The following ECSIT variants were observed in gnomAD, a reference collection of about 807,000 sequenced individuals.
The protein encoded by ECSIT is evolutionarily conserved signaling intermediate in Toll pathway, mitochondrial.
Under a neutral mutation model 36.8 loss-of-function variants are expected in ECSIT, and 29 were observed. The observed-to-expected ratio is 0.79, with a 90% CI of 0.59 to 1.08. The LOEUF (loss-of-function observed/expected upper bound fraction) is 1.08. Among genes scored for constraint, ECSIT ranks in the 50% least tolerant of loss-of-function variants. The probability of loss-of-function intolerance (pLI) is 0.00; values close to 1 mark genes in which losing one functional copy is unlikely to be tolerated. For synonymous variants in ECSIT, 231 were observed against 234.8 expected (o/e 0.98, Z 0.15); for missense variants, 542 against 581.0 (o/e 0.93, Z 0.69).
chr19:11,506,501 T>C, intron 7 of ECSIT, 73 bp from the exon 8 acceptor site: 1 of 1,504,570 alleles, frequency 6.6e-7, no homozygotes, highest in Non-Finnish European at 8.9e-7. Context: ...TACACCTTTT[T>C]GAGGTATTTT....
chr19:11,512,114 G>A (rs910084119), intron 4 of ECSIT, among the ~76,000 whole-genome samples: 2 of 151,760 alleles, frequency 1.3e-5, no homozygotes. Context: ...GGAGGCTAAG[G>A]TGGGTGGATC....
chr19:11,519,247 C>T lies in ECSIT; in HGVS notation c.-23-54G>A, dbSNP rs932964001. ...CTGGCACCTTACAGATGCTAACAGACGCAAGGGCCCCGCAGGGTCGAGGGC... is the reference window on the plus strand; with the variant it reads ...CTGGCACCTTACAGATGCTAACAGATGCAAGGGCCCCGCAGGGTCGAGGGC... On this transcript the variant is annotated intron_variant, in intron 1 of 7. Transcript: ENST00000270517. This position sits in a 1 kb window ranked among gnomAD's most constrained non-coding sequence, Gnocchi z 4.4. 4.0e-5 allele frequency: 50 copies of T among 1,245,930 alleles called. No homozygotes were observed. Among genetic ancestry groups the T allele is most frequent in the South Asian group, 6.4e-5 (5 of 78,022 alleles). 77.2% of individuals were successfully genotyped at this position (1,245,930 alleles called of 1,614,324 possible).
At chr19:11,514,572 G>A (rs1489229250) in intron 2 of ECSIT, among the ~76,000 whole-genome samples, 2 of 151,602 alleles carry the variant, frequency 1.3e-5, no homozygotes, top group Non-Finnish European at 2.9e-5. Context: ...GCCTAGGCTG[G>A]AATGTAGTGG....
intron 1 of ECSIT, among the ~76,000 whole-genome samples, chr19:11,525,128 C>T (rs1459654561): frequency 6.6e-6 from 1 of 151,824 alleles, no homozygotes; most frequent in African/African-American, 2.4e-5. Context: ...CAGAGTGCAA[C>T]TTCATCTCAA....
At chr19:11,507,880 C>T (rs1971787168) in intron 5 of ECSIT, 30 bp from the exon 6 acceptor site, 1 of 1,613,730 alleles carries the variant, frequency 6.2e-7, no homozygotes, top group South Asian at 1.1e-5. Context: ...GCCCTGTGCC[C>T]TGCAAGGGAC....
At chr19:11,521,032 C>CT (rs1301198521) in intron 1 of ECSIT, among the ~76,000 whole-genome samples, 3 of 152,152 alleles carry the variant, frequency 2.0e-5, no homozygotes, top group African/African-American at 7.2e-5. Context: ...TCTTGAACTC[C>CT]TGACATCAAG....
rs1033335796 is a variant in ECSIT at position 11,529,047 on chromosome 19, C to T, written c.-24+15G>A. 1 of 152,316 alleles carries T rather than the reference C, an allele frequency of 6.6e-6. No homozygotes were observed. Among genetic ancestry groups the T allele is most frequent in the Non-Finnish European group, 1.5e-5 (1 of 68,116 alleles). 9.4% of individuals were successfully genotyped at this position (152,316 alleles called of 1,614,324 possible). On this transcript the variant is annotated intron_variant, in intron 1 of 7. Transcript: ENST00000270517. ...AGCCCAGCAGTTCGCGTTCGCCTACCCGCGCGCGACCTACCTACTCACGCG... is the reference window on the plus strand; with the variant it reads ...AGCCCAGCAGTTCGCGTTCGCCTACTCGCGCGCGACCTACCTACTCACGCG...
At position 11,519,090 on chromosome 19, in the gene ECSIT, T is replaced by C. The variant is rs1311238006; in HGVS notation, c.81A>G (p.Gly27=). 6.4e-7 allele frequency: 1 copy of C among 1,551,414 alleles called. No individual in the cohort carries two copies. The highest frequency in any genetic ancestry group is 8.7e-7 in the Non-Finnish European group (1 of 1,146,936). Residue 27 remains glycine (G), a synonymous_variant, in exon 2 of 8, where the codon GGA becomes GGG. Transcript: ENST00000270517. The surrounding 1 kb of genome is among the most constrained non-coding windows in gnomAD (Gnocchi z 4.4). ...WGGTCGAALT[G]TSISQVPRRL... is the part of the protein sequence containing the mutation. Reference sequence around the variant, plus strand: ...TGGTGCTTACCTGAGAGATGGAGGTTCCTGTGAGGGCGGCCCCGCAGGTGC... The same window carrying C: ...TGGTGCTTACCTGAGAGATGGAGGTCCCTGTGAGGGCGGCCCCGCAGGTGC...
At chr19:11,515,387 C>A (rs1481799322) in intron 2 of ECSIT, among the ~76,000 whole-genome samples, 4 of 152,092 alleles carry the variant, frequency 2.6e-5, no homozygotes, top group Non-Finnish European at 4.4e-5. Context: ...CAGGCATGAG[C>A]CACCGCGCCC....
chr19:11,525,658 T>C (rs780104092), intron 1 of ECSIT: 6 of 151,394 alleles, frequency 4.0e-5, no homozygotes, highest in African/African-American at 7.3e-5. Context: ...TCCCAGCACG[T>C]TGGGAGGTCC....
chr19:11,522,299 G>A (rs903273039), intron 1 of ECSIT: 13 of 662,616 alleles, frequency 2.0e-5, no homozygotes, highest in African/African-American at 3.6e-5. Context: ...CAGTGCTACC[G>A]AGACATGGGC....
intron 1 of ECSIT, chr19:11,525,516 C>G (rs1275642009): frequency 6.6e-6 from 1 of 151,090 alleles, no homozygotes; most frequent in Non-Finnish European, 1.5e-5. Flanking sequence ...TGACTCAAAA[C>G]AAAAAAACAA....
intron 1 of ECSIT, among the ~76,000 whole-genome samples, chr19:11,528,043 C>T (rs1474894177): frequency 6.6e-6 from 1 of 152,152 alleles, no homozygotes; most frequent in Non-Finnish European, 1.5e-5. Flanking sequence ...GGGTCTACCC[C>T]TCTAAACTCA....
Position 11,519,895 on chromosome 19 carries a change from G to A in ECSIT, c.-23-702C>T, listed in dbSNP as rs1439628473. The A allele has an allele frequency of 6.6e-6, 1 of 151,368 alleles. No homozygotes were observed. The highest frequency in any genetic ancestry group is 2.0e-4 in the East Asian group (1 of 5,120). The allele number at this position is 151,368 out of a possible 1,614,324, so 9.4% of individuals were successfully genotyped here. A position where few individuals can be genotyped will look rare whatever the true frequency, so the allele number is the denominator to read the frequency against. ...GACGTAGGAGAATTGCTTGAACCCA[G>A]GAGGCAGAGGTTGCAGTGAGCCAAG... On this transcript the variant is annotated intron_variant, in intron 1 of 7. Coordinates refer to ENST00000270517, the MANE Select transcript of ECSIT (RefSeq NM_016581.5). The surrounding 1 kb of genome is among the most constrained non-coding windows in gnomAD (Gnocchi z 4.4).
intron 3 of ECSIT, among the ~76,000 whole-genome samples, chr19:11,513,488 C>A (rs941283887): frequency 1.1e-4 from 16 of 150,994 alleles, no homozygotes; most frequent in African/African-American, 3.9e-4. Context: ...AGTTTGAGAG[C>A]AGCCTGGGCA....
intron 2 of ECSIT, among the ~76,000 whole-genome samples, chr19:11,514,518 GTT>G (rs60816141): frequency 2.1e-5 from 3 of 145,306 alleles, no homozygotes; most frequent in African/African-American, 5.0e-5. Flanking sequence ...TTTTTTTTGG[GTT>G]TTTTTTTTTG....
chr19:11,527,440 GGAGACCAAGGTAGGAGGATCACTT>G (rs1239703770), intron 1 of ECSIT, among the ~76,000 whole-genome samples: 2 of 152,138 alleles, frequency 1.3e-5, no homozygotes, highest in East Asian at 1.9e-4. Flanking sequence ...CAACACTTTG[GGAGACCAAGGTAGGAGGATCACTT>G]GAGCCCAGGG....
In ECSIT at chr19:11,513,880, G is replaced by A. The variant is rs2144978537; in HGVS notation, c.438C>T (p.Ile146=). 2 of 1,614,194 alleles carry A rather than the reference G, an allele frequency of 1.2e-6. No homozygotes were observed. The highest frequency in any genetic ancestry group is 2.2e-5 in the South Asian group (2 of 91,080). ...GGTAGTGGACGAAGATGCGCTGGAT[G>A]ATGTTGCGAGGCCGGAAGACCTCCT... ...FPKEVFRPRN[I]IQRIFVHYPR... Residue 146 remains isoleucine, a synonymous_variant, in exon 3 of 8, where the codon ATC becomes ATT. Transcript: ENST00000270517.
chr19:11,519,216 A>G lies in ECSIT; in HGVS notation c.-23-23T>C. On this transcript the variant is annotated intron_variant, in intron 1 of 7. Transcript: ENST00000270517. This position sits in a 1 kb window ranked among gnomAD's most constrained non-coding sequence, Gnocchi z 4.4. ...CACCTGGCCCAAAAGAAGATTCAGC[A>G]TTAGCCTGGCACCTTACAGATGCTA... is the stretch of plus-strand genomic sequence containing the variant. The G allele has an allele frequency of 1.3e-6, 2 of 1,491,504 alleles. No individual in the cohort carries two copies. 92.4% of individuals were successfully genotyped at this position (1,491,504 alleles called of 1,614,324 possible). A position where few individuals can be genotyped will look rare whatever the true frequency, so the allele number is the denominator to read the frequency against.
Sources: gnomAD v4.1 joint callset for allele counts (sites outside exome capture counted in the v4.1 genomes callset) on GRCh38, gnomAD v4.1.1 for gene constraint, Gnocchi (gnomAD v3.1) non-coding constraint, MANE v1.5 for transcripts, NCBI Gene and HGNC (gene_info 2026-07-23, HGNC 2026-07-21) for gene names.